SCARA3: variants seen among roughly 807,000 people sequenced by gnomAD.
SCARA3 encodes the protein cellular stress response gene protein.
Under a neutral mutation model 47.0 loss-of-function variants are expected in SCARA3, and 39 were observed. That is an observed-to-expected ratio of 0.83 (90% CI 0.64 to 1.08). The LOEUF (loss-of-function observed/expected upper bound fraction) is 1.08. Among genes scored for constraint, SCARA3 ranks in the 50% least tolerant of loss-of-function variants. The pLI is 0.00. For synonymous variants in SCARA3, 356 were observed against 334.1 expected, an observed-to-expected ratio of 1.07 and a Z score of -0.71; for missense variants, 724 against 792.3, an observed-to-expected ratio of 0.91 and a Z score of 1.04.
At chr8:27,670,804 C>T (rs17057520) in intron 5 of SCARA3, 96 bp from the exon 6 acceptor site, 71,072 of 995,176 alleles carry the variant, frequency 0.071, 3,206 homozygotes, top group East Asian at 0.22. Context: ...ACTTGTTCAA[C>T]CCTCGGGCTG....
chr8:27,650,310 A>G (rs563904052), intron 2 of SCARA3, among the ~76,000 whole-genome samples: 2 of 152,188 alleles, frequency 1.3e-5, no homozygotes, highest in South Asian at 2.1e-4. Context: ...TCAAAGCTTG[A>G]CACAAGTGCC....
At chr8:27,636,023 C>G (rs1483311916) in intron 1 of SCARA3, among the ~76,000 whole-genome samples, 1 of 152,198 alleles carries the variant, frequency 6.6e-6, no homozygotes, top group Non-Finnish European at 1.5e-5. Context: ...CTAGGCTCTG[C>G]GGGATGAGCC....
At chr8:27,722,459 G>A in the SCARA3 span, among the ~76,000 whole-genome samples, 1 of 151,986 alleles carries the variant, frequency 6.6e-6, no homozygotes, top group Non-Finnish European at 1.5e-5. Context: ...ATGATTGTGA[G>A]GCTTCAACAA....
chr8:27,685,356 A>G, the SCARA3 span, among the ~76,000 whole-genome samples: 1 of 152,214 alleles, frequency 6.6e-6, no homozygotes, highest in Non-Finnish European at 1.5e-5. Context: ...AAAGACCTAC[A>G]AGCAAATCCT....
At chr8:27,678,445 T>C (rs1355296929), downstream of SCARA3, among the ~76,000 whole-genome samples, 4 of 152,196 alleles carry the variant, frequency 2.6e-5, 1 homozygote, top group Non-Finnish European at 5.9e-5. Context: ...ACAAAGTTCT[T>C]AAAGAATACA....
chr8:27,687,531 C>T, the SCARA3 span, among the ~76,000 whole-genome samples: 1 of 152,168 alleles, frequency 6.6e-6, no homozygotes, highest in African/African-American at 2.4e-5. Context: ...AAAGGGAGGA[C>T]AGAAGGCAGG....
At chr8:27,715,580 CTAGATAGATGA>C in the SCARA3 span, among the ~76,000 whole-genome samples, 57,630 of 150,494 alleles carry the variant, frequency 0.38, 11,382 homozygotes, top group South Asian at 0.53. This position sits in a 1 kb window ranked among gnomAD's most constrained non-coding sequence, Gnocchi z 4.2. Flanking sequence ...CACTTCGCAC[CTAGATAGATGA>C]TAGATAGATA....
rs1802156682 is a variant in SCARA3 at position 27,671,539 on chromosome 8, C to T, written c.*188C>T. 7.7e-7 allele frequency: 1 copy of T among 1,291,414 alleles called. No homozygotes were observed. Among genetic ancestry groups the T allele is most frequent in the East Asian group, 3.0e-5 (1 of 32,796 alleles). 80.0% of individuals were successfully genotyped at this position (1,291,414 alleles called of 1,614,324 possible). A position where few individuals can be genotyped will look rare whatever the true frequency, so the allele number is the denominator to read the frequency against. On this transcript the variant is annotated 3_prime_UTR_variant, in exon 6 of 6. Transcript: ENST00000301904. ...GCCATAGGAAAGCAGCCCCTCCTCACACATACATGTGCACATGCACACACA... is the reference window on the plus strand; with the variant it reads ...GCCATAGGAAAGCAGCCCCTCCTCATACATACATGTGCACATGCACACACA...
the SCARA3 span, among the ~76,000 whole-genome samples, chr8:27,687,814 C>T: frequency 2.0e-5 from 3 of 151,862 alleles, no homozygotes; most frequent in Admixed American, 1.3e-4. Flanking sequence ...GTCAGGAGTT[C>T]GAGACCAGCC....
the SCARA3 span, among the ~76,000 whole-genome samples, chr8:27,710,267 G>T: frequency 6.7e-6 from 1 of 150,202 alleles, no homozygotes; most frequent in Non-Finnish European, 1.5e-5. Flanking sequence ...TTTCTCTTAT[G>T]CTTGAATAAT....
chr8:27,677,751 C>A (rs552791515), downstream of SCARA3, among the ~76,000 whole-genome samples: 1 of 152,224 alleles, frequency 6.6e-6, no homozygotes, highest in African/African-American at 2.4e-5. Context: ...GAAGATCATT[C>A]TTTTCAAGGG....
chr8:27,689,321 T>G, the SCARA3 span, among the ~76,000 whole-genome samples: 1 of 152,120 alleles, frequency 6.6e-6, no homozygotes, highest in African/African-American at 2.4e-5. Flanking sequence ...GAACCTAGAA[T>G]GCTGAGAGTG....
chr8:27,636,827 G>A (rs374117862), intron 1 of SCARA3, among the ~76,000 whole-genome samples: 7 of 152,176 alleles, frequency 4.6e-5, no homozygotes, highest in South Asian at 2.1e-4. Context: ...GGGAAGAGCC[G>A]CCCCTCTACC....
At chr8:27,680,662 G>C (rs940664645), downstream of SCARA3, among the ~76,000 whole-genome samples, 1 of 152,076 alleles carries the variant, frequency 6.6e-6, no homozygotes, top group Non-Finnish European at 1.5e-5. Context: ...TTTCAAAAGA[G>C]TAGGAAACCA....
At chr8:27,724,210 C>T in the SCARA3 span, among the ~76,000 whole-genome samples, 198 of 152,252 alleles carry the variant, frequency 1.3e-3, 3 homozygotes, top group East Asian at 0.026. Context: ...AGCCTCATTC[C>T]TTTTTTATTT....
At chr8:27,693,938 C>T in the SCARA3 span, among the ~76,000 whole-genome samples, 5 of 152,152 alleles carry the variant, frequency 3.3e-5, no homozygotes, top group African/African-American at 9.7e-5. Flanking sequence ...TTACAGGTAT[C>T]GTTTGATGAA....
In SCARA3 at chr8:27,641,880, A is replaced by T. The variant is rs542211696; in HGVS notation, c.7+7673A>T. 7.2e-5 allele frequency among the ~76,000 whole-genome samples: 11 copies of T among 152,326 alleles called. No individual in the cohort carries two copies. In the East Asian group the frequency reaches 2.1e-3, roughly 29 times the overall value. On this transcript the variant is annotated intron_variant, in intron 1 of 5. Transcript: ENST00000301904. ...GGAGACAGAATGAAGAATTCATCCAATCCAGGTGATGTCATTGTCCAGAAC... is the reference window on the plus strand; with the variant it reads ...GGAGACAGAATGAAGAATTCATCCATTCCAGGTGATGTCATTGTCCAGAAC...
chr8:27,668,623 G>A (rs1802074436), intron 5 of SCARA3, among the ~76,000 whole-genome samples: 1 of 151,978 alleles, frequency 6.6e-6, no homozygotes, highest in Non-Finnish European at 1.5e-5. Context: ...ACTTTGGGAG[G>A]CCAAGGCAGA....
In SCARA3 at chr8:27,672,326, C is replaced by T; in HGVS notation, c.*975C>T. ...GTTTCATCTGCATGGGGGCACTCTGCAGGCCCTGGAACATTGGGCCTGAGT... is the reference window on the plus strand; with the variant it reads ...GTTTCATCTGCATGGGGGCACTCTGTAGGCCCTGGAACATTGGGCCTGAGT... On this transcript the variant is annotated 3_prime_UTR_variant, in exon 6 of 6. Coordinates refer to ENST00000301904, the MANE Select transcript of SCARA3 (RefSeq NM_016240.3). The T allele has an allele frequency of 2.0e-6, 2 of 985,470 alleles. No individual in the cohort carries two copies. Among genetic ancestry groups the T allele is most frequent in the Non-Finnish European group, 2.4e-6 (2 of 829,960 alleles). The allele number at this position is 985,470 out of a possible 1,614,324, so 61.0% of individuals were successfully genotyped here.
Sources: gnomAD v4.1 joint callset for allele counts (sites outside exome capture counted in the v4.1 genomes callset) on GRCh38, gnomAD v4.1.1 for gene constraint, Gnocchi (gnomAD v3.1) non-coding constraint, MANE v1.5 for transcripts, NCBI Gene and HGNC (gene_info 2026-07-23, HGNC 2026-07-21) for gene names.